Variants in HRH2 observed in about 807,000 individuals in gnomAD.
The protein encoded by HRH2 is histamine H2 receptor.
HRH2 carries 4 observed loss-of-function variants against 20.1 expected under a neutral mutation model. The ratio of observed to expected loss-of-function variants is 0.20; its 90% CI spans 0.10 to 0.45. The LOEUF is 0.45. Ranked by LOEUF, HRH2 falls within the 20% of genes least tolerant of loss-of-function variation. The pLI is 0.99. For synonymous variants in HRH2, 197 were observed against 200.7 expected (o/e 0.98, Z 0.16); for missense variants, 250 against 461.6 (o/e 0.54, Z 4.20).
chr5:175,698,646 C>G (rs376566072), intron 2 of HRH2, among the ~76,000 whole-genome samples: 3 of 152,166 alleles, frequency 2.0e-5, no homozygotes, highest in Non-Finnish European at 4.4e-5. Context: ...CGCAGCCTCC[C>G]GGTCAGGTCC....
intron 1 of HRH2, among the ~76,000 whole-genome samples, chr5:175,661,589 A>G (rs1762739418): frequency 6.6e-6 from 1 of 152,196 alleles, no homozygotes; most frequent in African/African-American, 2.4e-5. Context: ...GACAGATTCA[A>G]TCAACCAACA....
At chr5:175,685,508 C>G in intron 2 of HRH2, 1 of 1,534,698 alleles carries the variant, frequency 6.5e-7, no homozygotes, top group Non-Finnish European at 8.8e-7. Context: ...CAATTCCCAC[C>G]ACATGCCAGG....
Position 175,687,196 on chromosome 5 carries a change from C to T in HRH2, c.1076+2887C>T, listed in dbSNP as rs116681849. ...ACACTGTGGTTGAGGGCATGGAGGG[C>T]GGAGGGAGCCAAGAACAGCCAGAGG... On this transcript the variant is annotated intron_variant, in intron 2 of 2. Coordinates refer to ENST00000636584, the MANE Select transcript of HRH2 (RefSeq NM_001367711.1). This position sits in a 1 kb window ranked among gnomAD's most constrained non-coding sequence, Gnocchi z 5.2. Among the ~76,000 whole-genome samples the T allele has an allele frequency of 0.015, 2,283 of 152,270 alleles. 59 individuals are homozygous for T. Among genetic ancestry groups the T allele is most frequent in the African/African-American group, 0.052 (2,172 of 41,550 alleles).
At chr5:175,672,403 C>A (rs1209457990) in intron 1 of HRH2, among the ~76,000 whole-genome samples, 1 of 152,166 alleles carries the variant, frequency 6.6e-6, no homozygotes, top group African/African-American at 2.4e-5. Flanking sequence ...CTCTGCCACG[C>A]TCGCCAGCCC....
At chr5:175,662,728 G>A (rs1292945531) in intron 1 of HRH2, among the ~76,000 whole-genome samples, 5 of 152,116 alleles carry the variant, frequency 3.3e-5, no homozygotes, top group Admixed American at 2.0e-4. Context: ...TAATTTTTAG[G>A]ATATTCACAC....
chr5:175,705,312 G>A (rs1002466037), intron 2 of HRH2, among the ~76,000 whole-genome samples: 1 of 152,142 alleles, frequency 6.6e-6, no homozygotes, highest in Non-Finnish European at 1.5e-5. Flanking sequence ...AAATAGACCA[G>A]TGGAAAAGGA....
At chr5:175,696,676 A>G (rs886533690) in intron 2 of HRH2, among the ~76,000 whole-genome samples, 2 of 152,178 alleles carry the variant, frequency 1.3e-5, no homozygotes, top group African/African-American at 4.8e-5. Flanking sequence ...GGGGCTCCGC[A>G]GGAAGTAGGG....
rs1316261103 is a variant in HRH2, at chr5:175,686,855, T to C, written c.1076+2546T>C. On this transcript the variant is annotated intron_variant, in intron 2 of 2. Coordinates refer to ENST00000636584, the MANE Select transcript of HRH2 (RefSeq NM_001367711.1). The surrounding 1 kb of genome is among the most constrained non-coding windows in gnomAD (Gnocchi z 4.7). Reference sequence around the variant, plus strand: ...CTGCCCCAAGGGATACAACCCAAAGTTGCGATCTGAGCAACAACAGAAATA... The same window carrying C: ...CTGCCCCAAGGGATACAACCCAAAGCTGCGATCTGAGCAACAACAGAAATA... Among the ~76,000 whole-genome samples the C allele has an allele frequency of 2.0e-5, 3 of 152,194 alleles. No individual in the cohort carries two copies. Among genetic ancestry groups the C allele is most frequent in the Non-Finnish European group, 4.4e-5 (3 of 68,032 alleles).
Position 175,687,935 on chromosome 5 carries a change from G to A in HRH2, c.1076+3626G>A, listed in dbSNP as rs1390271554. Among the ~76,000 whole-genome samples the A allele has an allele frequency of 6.6e-6, 1 of 152,200 alleles. No individual in the cohort carries two copies. Among genetic ancestry groups the A allele is most frequent in the Non-Finnish European group, 1.5e-5 (1 of 68,038 alleles). On this transcript the variant is annotated intron_variant, in intron 2 of 2. Coordinates refer to ENST00000636584, the MANE Select transcript of HRH2 (RefSeq NM_001367711.1). The surrounding 1 kb of genome is among the most constrained non-coding windows in gnomAD (Gnocchi z 5.2). ...CACGTTATTCCGTTGCAGTTCAGGA[G>A]GCCAGATGTCTGAGATCAAGGTGTT...
chr5:175,698,913 C>T (rs1432991354), intron 2 of HRH2, among the ~76,000 whole-genome samples: 3 of 152,358 alleles, frequency 2.0e-5, no homozygotes, highest in Admixed American at 1.3e-4. Flanking sequence ...TGCTCAGCAA[C>T]CTGCTCACGC....
rs1363801065 is a variant in HRH2 at position 175,696,919 on chromosome 5, G to C, written c.1077-10860G>C. Among the ~76,000 whole-genome samples, 5 of 152,248 alleles carry C rather than the reference G, an allele frequency of 3.3e-5. No homozygotes were observed. In the South Asian group the frequency reaches 1.0e-3, roughly 31 times the overall value. On this transcript the variant is annotated intron_variant, in intron 2 of 2. Transcript: ENST00000636584. ...TGCAGCAGGAGCTCAGCGGATGGTGGCCTCCCGTGGTAGCTCTTAGGGCTC... is the reference window on the plus strand; with the variant it reads ...TGCAGCAGGAGCTCAGCGGATGGTGCCCTCCCGTGGTAGCTCTTAGGGCTC...
chr5:175,688,536 A>G (rs2113529813), intron 2 of HRH2, among the ~76,000 whole-genome samples: 1 of 152,362 alleles, frequency 6.6e-6, no homozygotes, highest in Non-Finnish European at 1.5e-5. Context: ...ATGTTACTCT[A>G]CAGCAGGCGT....
chr5:175,689,629 T>G (rs1474656821), intron 2 of HRH2, among the ~76,000 whole-genome samples: 1 of 152,232 alleles, frequency 6.6e-6, no homozygotes, highest in Non-Finnish European at 1.5e-5. Flanking sequence ...TTCCCCTTTT[T>G]AGCTTGGATG....
intron 1 of HRH2, among the ~76,000 whole-genome samples, chr5:175,672,038 G>A (rs1004191982): frequency 6.6e-6 from 1 of 152,050 alleles, no homozygotes; most frequent in African/African-American, 2.4e-5. Context: ...TACTATGGAG[G>A]GCTCATGATT....
chr5:175,700,339 T>C (rs1447804230), intron 2 of HRH2, among the ~76,000 whole-genome samples: 10 of 152,174 alleles, frequency 6.6e-5, no homozygotes, highest in African/African-American at 2.4e-4. Flanking sequence ...TTTGGGAAGT[T>C]AGAAGACAGG....
intron 2 of HRH2, among the ~76,000 whole-genome samples, chr5:175,689,985 TACAC>T (rs1435222124): frequency 6.6e-6 from 1 of 152,260 alleles, no homozygotes; most frequent in Admixed American, 6.5e-5. Context: ...ATGTGTCTGA[TACAC>T]ACGCTTCTGA....
rs1481243743 is a variant in HRH2, at chr5:175,671,688, TC to T, written c.-525-11020del. Among the ~76,000 whole-genome samples the T allele has an allele frequency of 3.7e-4, 57 of 152,342 alleles. 1 individual carries two copies. The highest frequency in any genetic ancestry group is 3.0e-3 in the Admixed American group (46 of 15,296). ...CCACAAAATTGCAAGTATTAAATGT[TC>T]AATTGAACATCCGCAAATGTAACAT... On this transcript the variant is annotated intron_variant, in intron 1 of 2. Transcript: ENST00000636584.
In HRH2 at chr5:175,709,842, T is replaced by C. The variant is rs1757042912; in HGVS notation, c.*1871T>C. The C allele has an allele frequency of 6.6e-6, 1 of 151,604 alleles. No homozygotes were observed. The highest frequency in any genetic ancestry group is 1.5e-5 in the Non-Finnish European group (1 of 68,076). 9.4% of individuals were successfully genotyped at this position (151,604 alleles called of 1,614,324 possible). On this transcript the variant is annotated 3_prime_UTR_variant, in exon 3 of 3. Coordinates refer to ENST00000636584, the MANE Select transcript of HRH2 (RefSeq NM_001367711.1). ...CATGCCACACAGGTAGATAAAACCATCTTCAGCCCAGCCCTCAGGCCCTGT... is the reference window on the plus strand; with the variant it reads ...CATGCCACACAGGTAGATAAAACCACCTTCAGCCCAGCCCTCAGGCCCTGT...
intron 1 of HRH2, among the ~76,000 whole-genome samples, chr5:175,675,844 G>A (rs1755738237): frequency 6.6e-6 from 1 of 152,146 alleles, no homozygotes; most frequent in African/African-American, 2.4e-5. Context: ...AAGGTGGAAA[G>A]ATTGAAAAGG....
Sources: allele counts gnomAD v4.1 joint callset (sites outside exome capture counted in the v4.1 genomes callset), GRCh38; gene constraint gnomAD v4.1.1; non-coding constraint Gnocchi (gnomAD v3.1); transcripts MANE v1.5; gene names NCBI Gene and HGNC (gene_info 2026-07-23, HGNC 2026-07-21).